RBBP8: variants seen among roughly 807,000 people sequenced by gnomAD.
RBBP8 encodes the protein RB binding protein 8, endonuclease.
In RBBP8, 88 loss-of-function variants were observed where a neutral mutation model predicts 108.3. That is an observed-to-expected ratio of 0.81 (90% confidence interval 0.68 to 0.97). RBBP8 has a LOEUF of 0.97. RBBP8 is among the 50% of genes least tolerant of loss of function. The pLI, the probability that RBBP8 is intolerant of heterozygous loss-of-function variation, is 0.00. For missense variants in RBBP8, 1,023 were observed against 1,049.0 expected (o/e 0.98, Z 0.34); for synonymous variants, 332 against 348.2 (o/e 0.95, Z 0.52).
intron 16 of RBBP8, among the ~76,000 whole-genome samples, chr18:23,012,346 G>C (rs1426000244): frequency 6.6e-6 from 1 of 151,338 alleles, no homozygotes; most frequent in East Asian, 1.9e-4. Context: ...CAAAAGCCAA[G>C]ATGGGTAAAA....
upstream of RBBP8, among the ~76,000 whole-genome samples, chr18:22,933,121 T>C (rs567823818): frequency 2.6e-5 from 4 of 152,376 alleles, no homozygotes; most frequent in East Asian, 3.9e-4. Context: ...ACAGAACGGC[T>C]TGAGCTTTCC....
intron 4 of RBBP8, among the ~76,000 whole-genome samples, chr18:22,954,746 T>C (rs1034675649): frequency 6.6e-6 from 1 of 152,092 alleles, no homozygotes. Flanking sequence ...TTCCACATGG[T>C]TGGGGAGGCC....
intron 3 of RBBP8, among the ~76,000 whole-genome samples, chr18:22,918,826 T>C (rs1482326696): frequency 6.6e-6 from 1 of 152,198 alleles, no homozygotes; most frequent in Non-Finnish European, 1.5e-5. Flanking sequence ...TTTCCCAGGC[T>C]GATCTTGAAC....
At chr18:22,959,756 A>C (rs1302174630) in intron 4 of RBBP8, among the ~76,000 whole-genome samples, 1 of 148,368 alleles carries the variant, frequency 6.7e-6, no homozygotes, top group African/African-American at 2.5e-5. Context: ...GTGTGTGTAT[A>C]CTCTTGTTTT....
intron 2 of RBBP8, among the ~76,000 whole-genome samples, chr18:22,939,334 C>A (rs970002322): frequency 5.3e-5 from 8 of 152,250 alleles, no homozygotes; most frequent in African/African-American, 1.9e-4. Flanking sequence ...TAGAGAAACC[C>A]TGTCTCTACT....
intron 4 of RBBP8, among the ~76,000 whole-genome samples, chr18:22,958,464 A>AT (rs1249478821): frequency 6.6e-6 from 1 of 152,118 alleles, no homozygotes; most frequent in Non-Finnish European, 1.5e-5. Context: ...ACCCTTTTTC[A>AT]TGTTGAGACA....
intron 4 of RBBP8, among the ~76,000 whole-genome samples, chr18:22,960,560 A>C (rs1165688468): frequency 6.6e-6 from 1 of 152,144 alleles, no homozygotes; most frequent in African/African-American, 2.4e-5. Context: ...AAAAAGACAA[A>C]TGATTATCAA....
At chr18:22,932,374 GGAGTT>G (rs1910090870), upstream of RBBP8, among the ~76,000 whole-genome samples, 1 of 152,266 alleles carries the variant, frequency 6.6e-6, no homozygotes, top group African/African-American at 2.4e-5. Context: ...TTAAAAATGT[GGAGTT>G]AAGTCTTATA....
chr18:22,998,785 T>C (rs990909919), intron 14 of RBBP8, among the ~76,000 whole-genome samples: 3 of 152,230 alleles, frequency 2.0e-5, no homozygotes, highest in East Asian at 1.9e-4. Flanking sequence ...AAGAAAACTT[T>C]AGTAGTCTTT....
chr18:22,993,640 G>A lies in RBBP8; in HGVS notation c.1812+1G>A. 1 of 1,614,190 alleles carries A rather than the reference G, an allele frequency of 6.2e-7. No individual in the cohort carries two copies. Among genetic ancestry groups the A allele is most frequent in the Non-Finnish European group, 8.5e-7 (1 of 1,180,012 alleles). ...TGAGAATGTTTTAGATGACATAAAG[G>A]TTTGTGTTAAATGTTCAAGGATTTT... On this transcript the variant is annotated splice_donor_variant, in intron 11 of 18. Transcript: ENST00000327155. LOFTEE classifies it high-confidence loss of function.
intron 3 of RBBP8, among the ~76,000 whole-genome samples, chr18:22,922,639 A>C (rs1909639083): frequency 6.6e-6 from 1 of 151,754 alleles, no homozygotes; most frequent in Non-Finnish European, 1.5e-5. Flanking sequence ...ATTTTTATGT[A>C]TTTTCTGTAG....
At position 22,992,738 on chromosome 18, in the gene RBBP8, CT is replaced by C; in HGVS notation, c.921-7del. The C allele has an allele frequency of 6.4e-7, 1 of 1,569,986 alleles. No individual in the cohort carries two copies. Among genetic ancestry groups the C allele is most frequent in the Non-Finnish European group, 8.8e-7 (1 of 1,140,906 alleles). On this transcript the variant is annotated splice_polypyrimidine_tract_variant and intron_variant, in intron 10 of 18. Coordinates refer to ENST00000327155, the MANE Select transcript of RBBP8 (RefSeq NM_002894.3). ...TCTGTATTAAAGAATTGTTATCACT[CT>C]TTATTTAGATTTTCAGATTCTACTT...
chr18:22,943,107 T>C (rs1232278557), intron 2 of RBBP8, among the ~76,000 whole-genome samples: 1 of 151,950 alleles, frequency 6.6e-6, no homozygotes, highest in Non-Finnish European at 1.5e-5. Flanking sequence ...GAGAACATTA[T>C]CTTAAGACTG....
At chr18:23,020,774 AACTGC>A (rs1245945114) in intron 17 of RBBP8, among the ~76,000 whole-genome samples, 1 of 152,180 alleles carries the variant, frequency 6.6e-6, no homozygotes, top group Non-Finnish European at 1.5e-5. Context: ...GCTGTGTTAC[AACTGC>A]ACTCACCGAC....
chr18:22,930,861 T>A (rs563556085), upstream of RBBP8, among the ~76,000 whole-genome samples: 4 of 152,286 alleles, frequency 2.6e-5, no homozygotes, highest in East Asian at 5.8e-4. Context: ...AGCCTTGAAC[T>A]CCTGGGCTCA....
At chr18:22,928,201 C>CA (rs369797539) in intron 3 of RBBP8, among the ~76,000 whole-genome samples, 171 of 110,158 alleles carry the variant, frequency 1.6e-3, no homozygotes, top group South Asian at 3.4e-3. Context: ...ACTTTGTCTC[C>CA]AAAAAAAAAA....
intron 2 of RBBP8, among the ~76,000 whole-genome samples, chr18:22,943,719 A>C (rs940784227): frequency 7.2e-5 from 11 of 152,140 alleles, no homozygotes; most frequent in African/African-American, 2.4e-4. Flanking sequence ...TAGGGGTATT[A>C]TTTATAATTC....
At chr18:22,938,913 C>T (rs954168011) in intron 2 of RBBP8, among the ~76,000 whole-genome samples, 26 of 152,016 alleles carry the variant, frequency 1.7e-4, no homozygotes, top group African/African-American at 5.6e-4. Flanking sequence ...GTTTTTATGA[C>T]GTGCAAGGAG....
chr18:22,986,789 TTA>T (rs111806858), intron 8 of RBBP8, among the ~76,000 whole-genome samples: 2,554 of 152,246 alleles, frequency 0.017, 80 homozygotes, highest in African/African-American at 0.058. Context: ...ACAAATCATT[TTA>T]TATTAACATG....
Sources: allele counts gnomAD v4.1 joint callset (sites outside exome capture counted in the v4.1 genomes callset), GRCh38; gene constraint gnomAD v4.1.1; transcripts MANE v1.5; gene names NCBI Gene and HGNC (gene_info 2026-07-23, HGNC 2026-07-21).